The following OCA2 variants were observed in gnomAD, a reference collection of about 807,000 sequenced individuals.
OCA2 encodes the protein OCA2 melanosomal transmembrane protein.
In OCA2, 77 loss-of-function variants were observed where a neutral mutation model predicts 100.2. That is an observed-to-expected ratio of 0.77 (90% CI 0.64 to 0.93). The LOEUF (loss-of-function observed/expected upper bound fraction) is 0.93, where lower values mean the gene tolerates loss of function less well. OCA2 is among the 40% of genes least tolerant of loss of function. The pLI is 0.00. For missense variants in OCA2, 1,062 were observed against 1,089.1 expected (o/e 0.98, Z 0.35); for synonymous variants, 432 against 439.2 (o/e 0.98, Z 0.21).
chr15:28,035,186 AC>A (rs2043013846), intron 2 of OCA2, among the ~76,000 whole-genome samples: 1 of 152,182 alleles, frequency 6.6e-6, no homozygotes, highest in Non-Finnish European at 1.5e-5. Context: ...TTTAACACTT[AC>A]ATTTATGCAC....
intron 23 of OCA2, among the ~76,000 whole-genome samples, chr15:27,772,004 C>T (rs1416638426): frequency 6.6e-6 from 1 of 152,130 alleles, no homozygotes; most frequent in Non-Finnish European, 1.5e-5. Flanking sequence ...ATAACTAAGT[C>T]TAGACATTAT....
the OCA2 span, among the ~76,000 whole-genome samples, chr15:27,747,230 G>A: frequency 3.3e-5 from 5 of 152,166 alleles, no homozygotes; most frequent in African/African-American, 1.2e-4. Context: ...AGTCACATGG[G>A]GCAAGGACCC....
chr15:27,888,947 T>C (rs1407230497), intron 19 of OCA2, among the ~76,000 whole-genome samples: 6 of 152,148 alleles, frequency 3.9e-5, no homozygotes, highest in African/African-American at 1.2e-4. Flanking sequence ...GGAAGCAGTT[T>C]GATATAGACA....
chr15:27,753,870 G>A (rs1219321019), downstream of OCA2, among the ~76,000 whole-genome samples: 2 of 152,128 alleles, frequency 1.3e-5, no homozygotes, highest in Non-Finnish European at 2.9e-5. Flanking sequence ...GGGATGACGT[G>A]TTAAAGGATG....
At chr15:27,913,877 A>AAGAAAGAAAGAAAGAAAG (rs2038524942) in intron 19 of OCA2, among the ~76,000 whole-genome samples, 1 of 57,710 alleles carries the variant, frequency 1.7e-5, no homozygotes, top group African/African-American at 8.7e-5. Flanking sequence ...GAAAGAAAGA[A>AAGAAAGAAAGAAAGAAAG]AGAAAGAAAG....
At position 27,755,017 on chromosome 15, in the gene OCA2, C is replaced by G. The variant is rs112155098; in HGVS notation, c.*371G>C. On this transcript the variant is annotated 3_prime_UTR_variant, in exon 24 of 24. Transcript: ENST00000354638. ...GAAAAGTGATTACAAGAAAAACAAACTGTGTTTAGCCTCAGGAGAATTGAC... is the reference window on the plus strand; with the variant it reads ...GAAAAGTGATTACAAGAAAAACAAAGTGTGTTTAGCCTCAGGAGAATTGAC... 3.5e-4 allele frequency: 88 copies of G among 250,420 alleles called. No individual in the cohort carries two copies. Among genetic ancestry groups the G allele is most frequent in the Non-Finnish European group, 5.5e-4 (69 of 125,734 alleles). The allele number at this position is 250,420 out of a possible 1,614,324, so 15.5% of individuals were successfully genotyped here. A position where few individuals can be genotyped will look rare whatever the true frequency, so the allele number is the denominator to read the frequency against.
chr15:28,052,949 A>G (rs1566843597), intron 2 of OCA2, among the ~76,000 whole-genome samples: 1 of 152,204 alleles, frequency 6.6e-6, no homozygotes, highest in African/African-American at 2.4e-5. Flanking sequence ...CCGTAGAAGC[A>G]GACAGGGATG....
intron 9 of OCA2, among the ~76,000 whole-genome samples, chr15:28,004,179 G>C (rs1461027518): frequency 6.6e-6 from 1 of 152,230 alleles, no homozygotes; most frequent in Non-Finnish European, 1.5e-5. Flanking sequence ...AGCAGCCTAC[G>C]ACATCGAAAG....
intron 15 of OCA2, among the ~76,000 whole-genome samples, chr15:27,964,364 G>T (rs1160209294): frequency 1.3e-5 from 2 of 152,240 alleles, no homozygotes; most frequent in African/African-American, 4.8e-5. Flanking sequence ...TTGGTGATCA[G>T]AGGGATAGGC....
chr15:27,883,508 G>A (rs1412164033), intron 19 of OCA2, among the ~76,000 whole-genome samples: 1 of 152,138 alleles, frequency 6.6e-6, no homozygotes, highest in Non-Finnish European at 1.5e-5. Flanking sequence ...CTGTTCCTGT[G>A]TCCAATCCTC....
downstream of OCA2, among the ~76,000 whole-genome samples, chr15:27,753,145 G>C (rs932966438): frequency 6.6e-6 from 1 of 152,096 alleles, no homozygotes; most frequent in Non-Finnish European, 1.5e-5. Context: ...GAGTTGACAG[G>C]GGAATTTAAA....
rs772202517 is a variant in OCA2 at position 27,957,585 on chromosome 15, T to G, written c.1784+3A>C. 6.2e-7 allele frequency: 1 copy of G among 1,612,364 alleles called. No homozygotes were observed. The highest frequency in any genetic ancestry group is 8.5e-7 in the Non-Finnish European group (1 of 1,179,838). On this transcript the variant is annotated splice_donor_region_variant and intron_variant, in intron 16 of 23. Coordinates refer to ENST00000354638, the MANE Select transcript of OCA2 (RefSeq NM_000275.3). The surrounding 1 kb of genome is among the most constrained non-coding windows in gnomAD (Gnocchi z 4.3). ...ACAGTCTGAGCAGGACCCCGCCCGG[T>G]ACCTGTGGAAGGTGTGCAGCCTCCG...
intron 19 of OCA2, among the ~76,000 whole-genome samples, chr15:27,924,636 C>A (rs1369545942): frequency 6.6e-6 from 1 of 151,764 alleles, no homozygotes; most frequent in Non-Finnish European, 1.5e-5. Flanking sequence ...ACAGTTTAAC[C>A]CTTAGAGCAA....
At position 27,990,562 on chromosome 15, in the gene OCA2, C is replaced by G. The variant is rs754416472; in HGVS notation, c.1116+14G>C. On this transcript the variant is annotated intron_variant, in intron 10 of 23. Transcript: ENST00000354638. ...CTGAGTGGTAAGCCAGGGATTGGGA[C>G]TGTGACAACTTACATCGCCAATCAC... The G allele has an allele frequency of 1.2e-6, 2 of 1,613,120 alleles. No homozygotes were observed. Among genetic ancestry groups the G allele is most frequent in the South Asian group, 2.2e-5 (2 of 91,072 alleles).
At chr15:27,852,306 T>A (rs1175833655) in intron 21 of OCA2, among the ~76,000 whole-genome samples, 1 of 152,192 alleles carries the variant, frequency 6.6e-6, no homozygotes, top group African/African-American at 2.4e-5. Flanking sequence ...CCACCATTTA[T>A]TAAATAGGGA....
rs180915616 is a variant in OCA2, at chr15:27,942,764, G to A, written c.1951+9020C>T. Reference sequence around the variant, plus strand: ...GATGAAATTTGGTAATTCTACCCACGGTGAGGATAGTAAGGAAAGCAGCTA... The same window carrying A: ...GATGAAATTTGGTAATTCTACCCACAGTGAGGATAGTAAGGAAAGCAGCTA... On this transcript the variant is annotated intron_variant, in intron 18 of 23. Coordinates refer to ENST00000354638, the MANE Select transcript of OCA2 (RefSeq NM_000275.3). Among the ~76,000 whole-genome samples the A allele has an allele frequency of 6.2e-3, 938 of 152,066 alleles. 4 individuals are homozygous for A. The highest frequency in any genetic ancestry group is 9.4e-3 in the Non-Finnish European group (642 of 67,990).
At chr15:28,015,781 G>C (rs2042372065) in intron 8 of OCA2, among the ~76,000 whole-genome samples, 4 of 152,160 alleles carry the variant, frequency 2.6e-5, no homozygotes, top group Admixed American at 2.0e-4. Context: ...ATATGAAGCA[G>C]CATTAGTTAA....
chr15:27,790,041 A>G (rs969734632), intron 23 of OCA2, among the ~76,000 whole-genome samples: 4 of 152,228 alleles, frequency 2.6e-5, no homozygotes, highest in African/African-American at 9.6e-5. Flanking sequence ...AAAGATGACA[A>G]AGGACTTAAT....
At chr15:27,936,493 T>G (rs2039456558) in intron 18 of OCA2, among the ~76,000 whole-genome samples, 1 of 152,334 alleles carries the variant, frequency 6.6e-6, no homozygotes, top group South Asian at 2.1e-4. Flanking sequence ...AGAAAGACCA[T>G]TTTTTATAAT....
Sources: allele counts gnomAD v4.1 joint callset (sites outside exome capture counted in the v4.1 genomes callset), GRCh38; gene constraint gnomAD v4.1.1; non-coding constraint Gnocchi (gnomAD v3.1); transcripts MANE v1.5; gene names NCBI Gene and HGNC (gene_info 2026-07-23, HGNC 2026-07-21).